The following HS2ST1 variants were observed in gnomAD, a reference collection of about 807,000 sequenced individuals.
The protein encoded by HS2ST1 is heparan sulfate 2-O-sulfotransferase 1, also known as 2-O-sulfotransferase.
A neutral mutation model predicts 42.9 loss-of-function variants in HS2ST1; 18 were observed. The observed-to-expected ratio is 0.42, with a 90% CI of 0.29 to 0.62. The LOEUF (loss-of-function observed/expected upper bound fraction) is 0.62, where lower values mean the gene tolerates loss of function less well. Among genes scored for constraint, HS2ST1 ranks in the 20% least tolerant of loss-of-function variants. The probability of loss-of-function intolerance (pLI) is 0.21; values close to 1 mark genes in which losing one functional copy is unlikely to be tolerated. For synonymous variants in HS2ST1, 146 were observed against 152.9 expected (o/e 0.95, Z 0.33); for missense variants, 334 against 433.8 (o/e 0.77, Z 2.04).
At chr1:87,081,283 A>G (rs1438257636) in intron 2 of HS2ST1, among the ~76,000 whole-genome samples, 1 of 152,222 alleles carries the variant, frequency 6.6e-6, no homozygotes, top group Non-Finnish European at 1.5e-5. Context: ...CATATGGGTC[A>G]TTGTCAAGGA....
intron 1 of HS2ST1, among the ~76,000 whole-genome samples, chr1:86,940,518 G>A (rs1660740048): frequency 6.6e-6 from 1 of 152,108 alleles, no homozygotes; most frequent in Non-Finnish European, 1.5e-5. Context: ...ATATATTATT[G>A]TCATATTCAT....
chr1:86,922,607 A>G (rs1660323685), intron 1 of HS2ST1, among the ~76,000 whole-genome samples: 2 of 152,132 alleles, frequency 1.3e-5, no homozygotes, highest in Non-Finnish European at 2.9e-5. Flanking sequence ...TGGGTATAGA[A>G]TTCTAAGCTG....
At chr1:86,960,893 T>C (rs891319866) in intron 1 of HS2ST1, among the ~76,000 whole-genome samples, 1 of 152,198 alleles carries the variant, frequency 6.6e-6, no homozygotes, top group Non-Finnish European at 1.5e-5. Context: ...TCTTACCATA[T>C]GATCCAGCAG....
intron 1 of HS2ST1, among the ~76,000 whole-genome samples, chr1:86,945,697 G>A (rs556174757): frequency 6.6e-6 from 1 of 152,228 alleles, no homozygotes; most frequent in South Asian, 2.1e-4. Context: ...GCCAGGCATC[G>A]GAAGAACTTC....
At chr1:87,012,006 A>T (rs1053122984) in intron 1 of HS2ST1, among the ~76,000 whole-genome samples, 1 of 152,352 alleles carries the variant, frequency 6.6e-6, no homozygotes, top group Non-Finnish European at 1.5e-5. Context: ...CTCCTTCAGT[A>T]TGCATGCAAT....
At chr1:86,955,862 C>T (rs1211772954) in intron 1 of HS2ST1, among the ~76,000 whole-genome samples, 1 of 152,100 alleles carries the variant, frequency 6.6e-6, no homozygotes, top group African/African-American at 2.4e-5. Context: ...TGGTGCACGC[C>T]TGTGGCCCCA....
At chr1:87,101,163 T>TG (rs1557546474) in intron 5 of HS2ST1, among the ~76,000 whole-genome samples, 3 of 115,874 alleles carry the variant, frequency 2.6e-5, no homozygotes, top group East Asian at 2.5e-4. Context: ...TTTGTTTTTT[T>TG]TTTTTTTTTT....
intron 1 of HS2ST1, among the ~76,000 whole-genome samples, chr1:87,012,406 A>T (rs1292540551): frequency 6.6e-6 from 1 of 152,134 alleles, no homozygotes; most frequent in Non-Finnish European, 1.5e-5. Flanking sequence ...CTCTCATGAG[A>T]CTTATTCACT....
intron 1 of HS2ST1, among the ~76,000 whole-genome samples, chr1:86,949,415 C>A (rs1320528133): frequency 6.6e-6 from 1 of 152,104 alleles, no homozygotes; most frequent in African/African-American, 2.4e-5. Flanking sequence ...ACCCAAGAAT[C>A]TTCACTTTAA....
chr1:86,936,395 C>T (rs72947871), intron 1 of HS2ST1, among the ~76,000 whole-genome samples: 3,666 of 152,158 alleles, frequency 0.024, 75 homozygotes, highest in African/African-American at 0.051. Flanking sequence ...TAATAGTCCT[C>T]GAGTTTCCCT....
chr1:87,003,551 T>G (rs1417572184), intron 1 of HS2ST1, among the ~76,000 whole-genome samples: 1 of 152,198 alleles, frequency 6.6e-6, no homozygotes, highest in Admixed American at 6.5e-5. Context: ...TTGTAATTTC[T>G]TTTATGCTTC....
At chr1:87,005,292 G>T (rs1048461131) in intron 1 of HS2ST1, among the ~76,000 whole-genome samples, 1 of 152,130 alleles carries the variant, frequency 6.6e-6, no homozygotes, top group Admixed American at 6.5e-5. Flanking sequence ...CAAGGTTGGT[G>T]TACCTTATCC....
At chr1:86,973,275 A>G (rs1648291112) in intron 1 of HS2ST1, among the ~76,000 whole-genome samples, 1 of 151,878 alleles carries the variant, frequency 6.6e-6, no homozygotes. Context: ...TTATCATTCA[A>G]AATCAATCTT....
intron 1 of HS2ST1, among the ~76,000 whole-genome samples, chr1:87,002,732 A>T (rs1649327292): frequency 2.6e-5 from 4 of 151,958 alleles, no homozygotes; most frequent in Admixed American, 2.6e-4. Flanking sequence ...AAAGTTAAAA[A>T]TTTTCCCCCC....
chr1:86,963,310 A>T (rs1054929185), intron 1 of HS2ST1, among the ~76,000 whole-genome samples: 3 of 152,182 alleles, frequency 2.0e-5, no homozygotes, highest in African/African-American at 4.8e-5. Context: ...CCTGCGGCCT[A>T]CCGCAGTGTT....
At chr1:87,078,141 T>A (rs1185286581) in intron 2 of HS2ST1, among the ~76,000 whole-genome samples, 1 of 152,204 alleles carries the variant, frequency 6.6e-6, no homozygotes, top group Non-Finnish European at 1.5e-5. Context: ...AGATAGTAAT[T>A]ACAGAGTTGG....
intron 1 of HS2ST1, among the ~76,000 whole-genome samples, chr1:86,959,898 A>C (rs1281112749): frequency 1.3e-5 from 2 of 152,226 alleles, no homozygotes; most frequent in Non-Finnish European, 2.9e-5. Flanking sequence ...AGTGTAATTT[A>C]ATTCAGAATC....
chr1:87,109,263 T>C lies in HS2ST1; in HGVS notation c.*4567T>C, dbSNP rs989092862. ...TTCCAAGCTGACTCAGTGTTCAGTG[T>C]CAACTTAACTCTCAGATAGTGTTGC... On this transcript the variant is annotated 3_prime_UTR_variant, in exon 7 of 7. Coordinates refer to ENST00000370550, the MANE Select transcript of HS2ST1 (RefSeq NM_012262.4). 2.0e-5 allele frequency: 3 copies of C among 152,484 alleles called. No individual in the cohort carries two copies. The highest frequency in any genetic ancestry group is 3.9e-4 in the East Asian group (2 of 5,188). 9.4% of individuals were successfully genotyped at this position (152,484 alleles called of 1,614,324 possible).
At chr1:86,999,257 C>T (rs540454024) in intron 1 of HS2ST1, among the ~76,000 whole-genome samples, 15 of 152,198 alleles carry the variant, frequency 9.9e-5, no homozygotes, top group South Asian at 8.3e-4. Context: ...CGGCTCACCG[C>T]GGTCTCTGCC....
Sources: gnomAD v4.1 joint callset for allele counts (sites outside exome capture counted in the v4.1 genomes callset) on GRCh38, gnomAD v4.1.1 for gene constraint, MANE v1.5 for transcripts, NCBI Gene and HGNC (gene_info 2026-07-23, HGNC 2026-07-21) for gene names.